CYTH4: variants seen among roughly 807,000 people sequenced by gnomAD.
CYTH4 encodes cytohesin-4.
CYTH4 carries 22 observed loss-of-function variants against 57.5 expected under a neutral mutation model. The ratio of observed to expected loss-of-function variants is 0.38; its 90% CI spans 0.27 to 0.55. CYTH4 has a LOEUF of 0.55. Ranked by LOEUF, CYTH4 falls within the 20% of genes least tolerant of loss-of-function variation. CYTH4 has a pLI of 0.74. For synonymous variants in CYTH4, 186 were observed against 206.5 expected (o/e 0.90, Z 0.85); for missense variants, 420 against 535.6 (o/e 0.78, Z 2.13).
In CYTH4 at chr22:37,299,242, C is replaced by A. The variant is rs768874582; in HGVS notation, c.370C>A (p.Gln124Lys). Reference protein sequence around the residue: ...YLGERDPINLQVLQAFVDCHE... With the variant: ...YLGERDPINLKVLQAFVDCHE... ...CTCCCCCAGGGATCCCATCAACCTG[C>A]AGGTCCTCCAGGCCTTCGTGGACTG... The change falls in exon 6 of 13, where the codon CAG (glutamine) becomes AAG (lysine). Residue 124 changes from glutamine (Q) to lysine (K), a missense_variant. By Grantham distance (53) the Gln-to-Lys change is moderately conservative. Transcript: ENST00000248901. 1 of 1,613,836 alleles carries A rather than the reference C, an allele frequency of 6.2e-7. No individual in the cohort carries two copies. The highest frequency in any genetic ancestry group is 8.5e-7 in the Non-Finnish European group (1 of 1,179,804).
At chr22:37,293,060 C>G (rs537887884) in intron 2 of CYTH4, among the ~76,000 whole-genome samples, 1 of 152,320 alleles carries the variant, frequency 6.6e-6, no homozygotes, top group Non-Finnish European at 1.5e-5. Context: ...AAGATAACTC[C>G]CAGTATGTGC....
intron 2 of CYTH4, among the ~76,000 whole-genome samples, chr22:37,293,831 G>T (rs1928837664): frequency 6.6e-6 from 1 of 152,142 alleles, no homozygotes; most frequent in African/African-American, 2.4e-5. Context: ...AAATGGGCTT[G>T]GGGTCGAGTT....
At chr22:37,282,694 G>A in intron 1 of CYTH4, 106 bp downstream of exon 1, 1 of 1,024,224 alleles carries the variant, frequency 9.8e-7, no homozygotes, top group Middle Eastern at 2.2e-4. Context: ...CAGCGCAGGT[G>A]GGAAATGCAG....
chr22:37,293,184 G>A (rs1928813615), intron 2 of CYTH4, among the ~76,000 whole-genome samples: 1 of 152,194 alleles, frequency 6.6e-6, no homozygotes, highest in South Asian at 2.1e-4. Context: ...ACTGCCCCTG[G>A]GCCTTTGCAC....
chr22:37,310,164 C>G (rs1929589058), intron 9 of CYTH4: 1 of 350,274 alleles, frequency 2.9e-6, no homozygotes, highest in South Asian at 2.2e-5. Context: ...GCCCATGAGC[C>G]CTCTGACTCT....
rs372257686 is a variant in CYTH4 at position 37,296,070 on chromosome 22, G to A, written c.234+5G>A. On this transcript the variant is annotated splice_donor_5th_base_variant and intron_variant, in intron 4 of 12. Transcript: ENST00000248901. ...TTCAACATGGACCCCGCCAAGGTAG[G>A]TGGCTGTGGAGGGCCCGGGCCACAG... The A allele has an allele frequency of 1.4e-4, 219 of 1,612,154 alleles. No individual in the cohort carries two copies. The highest frequency in any genetic ancestry group is 1.6e-4 in the Non-Finnish European group (184 of 1,179,028).
intron 5 of CYTH4, 25 bp downstream of exon 5, chr22:37,297,707 A>G: frequency 6.3e-7 from 1 of 1,598,028 alleles, no homozygotes; most frequent in Non-Finnish European, 8.6e-7. Flanking sequence ...AGCCTTAGCG[A>G]GGCAGGAAAT....
At chr22:37,288,299 C>A (rs1331452506) in intron 1 of CYTH4, among the ~76,000 whole-genome samples, 1 of 152,210 alleles carries the variant, frequency 6.6e-6, no homozygotes, top group Non-Finnish European at 1.5e-5. Context: ...GTGGTCCCAG[C>A]TGCTCAGGAG....
rs75634565 is a variant in CYTH4 at position 37,297,811 on chromosome 22, C to T, written c.353+129C>T. 9.3e-3 allele frequency: 6,662 copies of T among 718,340 alleles called. 315 individuals are homozygous for T. The African/African-American group carries it at 0.1, about 11-fold the overall frequency. 44.5% of individuals were successfully genotyped at this position (718,340 alleles called of 1,614,324 possible). A position where few individuals can be genotyped will look rare whatever the true frequency, so the allele number is the denominator to read the frequency against. On this transcript the variant is annotated intron_variant, in intron 5 of 12. Coordinates refer to ENST00000248901, the MANE Select transcript of CYTH4 (RefSeq NM_013385.5). Reference sequence around the variant, plus strand: ...TCACTCCTAGTGCTTGAGGGGCTCACGGATCATCCCCTCCAGATTCTGAGT... The same window carrying T: ...TCACTCCTAGTGCTTGAGGGGCTCATGGATCATCCCCTCCAGATTCTGAGT...
Position 37,311,895 on chromosome 22 carries a change from C to A in CYTH4, c.958-125C>A. ...CTCAGTGTGGGAGCAGCAGCTCCTG[C>A]CCCTTCGCCTGTCGTAGGGCTGTCA... On this transcript the variant is annotated intron_variant, in intron 11 of 12. Transcript: ENST00000248901. This position sits in a 1 kb window ranked among gnomAD's most constrained non-coding sequence, Gnocchi z 4.4. 8.1e-7 allele frequency: 1 copy of A among 1,228,780 alleles called. No individual in the cohort carries two copies. The highest frequency in any genetic ancestry group is 1.1e-6 in the Non-Finnish European group (1 of 884,548). 76.1% of individuals were successfully genotyped at this position (1,228,780 alleles called of 1,614,324 possible). A position where few individuals can be genotyped will look rare whatever the true frequency, so the allele number is the denominator to read the frequency against.
chr22:37,287,540 G>T (rs1479950803), intron 1 of CYTH4, among the ~76,000 whole-genome samples: 1 of 152,210 alleles, frequency 6.6e-6, no homozygotes. Context: ...TCCCATGGAT[G>T]AGACCAACGG....
At position 37,309,334 on chromosome 22, in the gene CYTH4, G is replaced by T; in HGVS notation, c.808+11G>T. ...GGCTGCTCAAGCTAGGTGAGAGACC[G>T]ACAGACACACGTCGTCGCACACACA... is the stretch of plus-strand genomic sequence containing the variant. On this transcript the variant is annotated intron_variant, in intron 9 of 12. Transcript: ENST00000248901. 1.9e-6 allele frequency: 3 copies of T among 1,612,164 alleles called. No homozygotes were observed. Among genetic ancestry groups the T allele is most frequent in the Non-Finnish European group, 1.7e-6 (2 of 1,178,264 alleles).
intron 4 of CYTH4, among the ~76,000 whole-genome samples, chr22:37,296,815 G>A (rs1191885914): frequency 6.6e-6 from 1 of 152,100 alleles, no homozygotes; most frequent in Admixed American, 6.6e-5. Context: ...GCACCCAGGG[G>A]TGTCCTCTGC....
Position 37,301,007 on chromosome 22 carries a change from T to G in CYTH4, c.535T>G (p.Phe179Val). ...TRYCLCNPGV[F>V]QSTDTCYVLS... ...ATACTGCCTCTGCAACCCAGGCGTC[T>G]TCCAGTCCACAGGTGCCAGGAGGGG... The change falls in exon 7 of 13, where the codon TTC (phenylalanine) becomes GTC (valine). Residue 179 changes from phenylalanine to valine, a missense_variant. By Grantham distance (50) the Phe-to-Val change is conservative. Coordinates refer to ENST00000248901, the MANE Select transcript of CYTH4 (RefSeq NM_013385.5). The G allele has an allele frequency of 6.2e-7, 1 of 1,614,030 alleles. No homozygotes were observed. Among genetic ancestry groups the G allele is most frequent in the Non-Finnish European group, 8.5e-7 (1 of 1,179,928 alleles).
chr22:37,292,548 G>T, intron 1 of CYTH4, 73 bp from the exon 2 acceptor site: 1 of 1,476,208 alleles, frequency 6.8e-7, no homozygotes, highest in Non-Finnish European at 9.4e-7. Flanking sequence ...GAGGGAAGGG[G>T]GCCCTGCAGA....
chr22:37,305,077 G>C (rs546702304), intron 8 of CYTH4, among the ~76,000 whole-genome samples: 1 of 152,226 alleles, frequency 6.6e-6, no homozygotes, highest in Non-Finnish European at 1.5e-5. Flanking sequence ...TGGGGTCCTC[G>C]TGGTGCTATG....
At chr22:37,296,262 C>G in intron 4 of CYTH4, 197 bp downstream of exon 4, 1 of 613,600 alleles carries the variant, frequency 1.6e-6, no homozygotes, top group East Asian at 2.9e-5. Flanking sequence ...GCATACACGC[C>G]TTGGGGCAGG....
chr22:37,283,322 G>A (rs1569103192), intron 1 of CYTH4, among the ~76,000 whole-genome samples: 2 of 152,210 alleles, frequency 1.3e-5, no homozygotes, highest in African/African-American at 4.8e-5. Flanking sequence ...TCAGGGTCGT[G>A]TTTTGGGAGG....
At chr22:37,286,111 G>A (rs887772969) in intron 1 of CYTH4, among the ~76,000 whole-genome samples, 3 of 28,266 alleles carry the variant, frequency 1.1e-4, no homozygotes, top group African/African-American at 3.1e-4. Context: ...GGGGTTGGGT[G>A]GGGGCAACTG....
Sources: gnomAD v4.1 joint callset for allele counts (sites outside exome capture counted in the v4.1 genomes callset) on GRCh38, gnomAD v4.1.1 for gene constraint, Gnocchi (gnomAD v3.1) non-coding constraint, MANE v1.5 for transcripts, NCBI Gene and HGNC (gene_info 2026-07-23, HGNC 2026-07-21) for gene names.